The following BTG4 variants were observed in gnomAD, a reference collection of about 807,000 sequenced individuals.
BTG4 encodes BTG anti-proliferation factor 4, also known as protein BTG4.
BTG4 carries 10 observed loss-of-function variants against 19.3 expected under a neutral mutation model. The ratio of observed to expected loss-of-function variants is 0.52; its 90% confidence interval spans 0.32 to 0.88. BTG4 has a LOEUF of 0.88. BTG4 is among the 40% of genes least tolerant of loss of function. BTG4 has a pLI of 0.04. For missense variants in BTG4, 238 were observed against 281.9 expected (o/e 0.84, Z 1.11); for synonymous variants, 91 against 95.7 (o/e 0.95, Z 0.29).
intron 4 of BTG4, chr11:111,496,902 T>G: frequency 3.7e-6 from 1 of 273,146 alleles, no homozygotes. Flanking sequence ...GAAAAAAAAA[T>G]CCCACTAATC....
the BTG4 span, among the ~76,000 whole-genome samples, chr11:111,425,516 C>A: frequency 1.3e-5 from 2 of 152,026 alleles, no homozygotes; most frequent in Non-Finnish European, 2.9e-5. Context: ...ATGATCAGCG[C>A]CTTTTAGAAG....
At chr11:111,440,500 C>G in the BTG4 span, among the ~76,000 whole-genome samples, 1 of 152,186 alleles carries the variant, frequency 6.6e-6, no homozygotes, top group Non-Finnish European at 1.5e-5. Context: ...GTACTAGGAG[C>G]TGACATCCTT....
intron 1 of BTG4, among the ~76,000 whole-genome samples, chr11:111,509,914 T>C (rs1424738691): frequency 2.8e-5 from 4 of 141,852 alleles, no homozygotes; most frequent in East Asian, 2.0e-4. Flanking sequence ...CTTTTTTCTT[T>C]TTTTTTTTTT....
At chr11:111,502,468 A>G (rs531499893) in intron 1 of BTG4, among the ~76,000 whole-genome samples, 17 of 152,284 alleles carry the variant, frequency 1.1e-4, no homozygotes, top group African/African-American at 3.4e-4. Flanking sequence ...ATTAGGACAA[A>G]TTTGCATCAT....
the BTG4 span, among the ~76,000 whole-genome samples, chr11:111,405,129 G>A: frequency 3.0e-4 from 45 of 152,186 alleles, 1 homozygote; most frequent in Admixed American, 2.3e-3. Context: ...GAACCGGCCA[G>A]GCGCGGTGGC....
At chr11:111,466,953 C>A (rs1863756237), downstream of BTG4, 1 of 152,620 alleles carries the variant, frequency 6.6e-6, no homozygotes, top group Admixed American at 6.5e-5. Flanking sequence ...GTCAGGGTAG[C>A]CAGGAAGAAG....
At chr11:111,477,113 C>T (rs1864439401) in intron 5 of BTG4, among the ~76,000 whole-genome samples, 1 of 152,138 alleles carries the variant, frequency 6.6e-6, no homozygotes, top group Admixed American at 6.5e-5. Context: ...GGACATGATC[C>T]TATTAATTTC....
the BTG4 span, among the ~76,000 whole-genome samples, chr11:111,392,793 C>A: frequency 1.3e-5 from 2 of 152,260 alleles, no homozygotes; most frequent in African/African-American, 4.8e-5. Context: ...CCCAGACCTG[C>A]GAGTCAAGTG....
intron 5 of BTG4, chr11:111,469,844 T>C (rs1031268470): frequency 5.9e-5 from 9 of 152,696 alleles, no homozygotes; most frequent in African/African-American, 9.6e-5. Flanking sequence ...GGCAGCAGTT[T>C]CCAGGGACAG....
the BTG4 span, chr11:111,417,986 G>A: frequency 1.3e-5 from 2 of 152,370 alleles, no homozygotes; most frequent in South Asian, 4.2e-4. Context: ...TGGAGAGTAA[G>A]ACGTCGCCTC....
At chr11:111,393,866 C>T in the BTG4 span, among the ~76,000 whole-genome samples, 2 of 152,210 alleles carry the variant, frequency 1.3e-5, no homozygotes, top group Admixed American at 6.5e-5. Context: ...GTCTAAAAAA[C>T]TCCATAGCAA....
the BTG4 span, among the ~76,000 whole-genome samples, chr11:111,454,615 T>C: frequency 6.6e-6 from 1 of 151,866 alleles, no homozygotes; most frequent in Non-Finnish European, 1.5e-5. Context: ...ACCATTGGAG[T>C]TCCTTCTCAG....
At chr11:111,507,403 AT>A (rs1866534079) in intron 1 of BTG4, among the ~76,000 whole-genome samples, 1 of 151,610 alleles carries the variant, frequency 6.6e-6, no homozygotes, top group East Asian at 1.9e-4. Flanking sequence ...TTCATTTTTT[AT>A]TTTTTTAAGA....
the BTG4 span, among the ~76,000 whole-genome samples, chr11:111,413,639 T>C: frequency 6.6e-6 from 1 of 152,258 alleles, no homozygotes; most frequent in South Asian, 2.1e-4. Context: ...ATTCAATTCA[T>C]TTCTATTGGC....
chr11:111,483,887 C>A (rs1003052108), intron 5 of BTG4, among the ~76,000 whole-genome samples: 3 of 151,902 alleles, frequency 2.0e-5, no homozygotes, highest in African/African-American at 7.3e-5. Context: ...TCATAGGACA[C>A]CAAAAAGATT....
chr11:111,463,091 G>A (rs1391186339), downstream of BTG4: 1 of 152,788 alleles, frequency 6.5e-6, no homozygotes, highest in South Asian at 2.1e-4. Context: ...GTGAGGGAGA[G>A]ACAGAACTTC....
At chr11:111,503,217 C>G (rs1470944973) in intron 1 of BTG4, among the ~76,000 whole-genome samples, 1 of 152,164 alleles carries the variant, frequency 6.6e-6, no homozygotes, top group Non-Finnish European at 1.5e-5. Context: ...TTGTAACCAA[C>G]AGATTAATGT....
the BTG4 span, among the ~76,000 whole-genome samples, chr11:111,400,575 CA>C: frequency 3.8e-4 from 58 of 152,178 alleles, no homozygotes; most frequent in Admixed American, 3.7e-3. Flanking sequence ...CCCTTATTCC[CA>C]AAAACAAGAC....
intron 1 of BTG4, among the ~76,000 whole-genome samples, chr11:111,508,352 T>C (rs1866609759): frequency 7.3e-6 from 1 of 137,794 alleles, no homozygotes; most frequent in Non-Finnish European, 1.6e-5. Flanking sequence ...ATAATGAAAT[T>C]GAAACTCCCT....
Sources: allele counts gnomAD v4.1 joint callset (sites outside exome capture counted in the v4.1 genomes callset), GRCh38; gene constraint gnomAD v4.1.1; transcripts MANE v1.5; gene names NCBI Gene and HGNC (gene_info 2026-07-23, HGNC 2026-07-21).